Variants in PDE7B observed in about 807,000 individuals in gnomAD.
PDE7B encodes phosphodiesterase 7B, also known as 3',5'-cyclic-AMP phosphodiesterase 7B.
PDE7B carries 29 observed loss-of-function variants against 56.2 expected under a neutral mutation model. That is an observed-to-expected ratio of 0.52 (90% CI 0.38 to 0.70). PDE7B has a LOEUF of 0.70. Ranked by LOEUF, PDE7B falls within the 30% of genes least tolerant of loss-of-function variation. The pLI is 0.00. For missense variants in PDE7B, 490 were observed against 565.0 expected, an observed-to-expected ratio of 0.87 and a Z score of 1.35; for synonymous variants, 197 against 196.9, an observed-to-expected ratio of 1.00 and a Z score of 0.00.
intron 1 of PDE7B, among the ~76,000 whole-genome samples, chr6:135,937,333 A>G (rs1218883079): frequency 1.3e-5 from 2 of 152,126 alleles, no homozygotes; most frequent in African/African-American, 4.8e-5. Flanking sequence ...CACTAAATGG[A>G]GTCCTGCAGG....
chr6:136,173,850 A>C lies in PDE7B; in HGVS notation c.765A>C (p.Arg255=). 6.2e-7 allele frequency: 1 copy of C among 1,613,042 alleles called. No homozygotes were observed. Among genetic ancestry groups the C allele is most frequent in the Non-Finnish European group, 8.5e-7 (1 of 1,179,132 alleles). ...GGCGATCTACAATTGGCATGCTTCG[A>C]GAATCAAGGCTTCTTGCTCATTTGC... The part of the protein sequence containing the change: ...HHWRSTIGML[R]ESRLLAHLPK... Residue 255 remains arginine (R), a synonymous_variant, in exon 9 of 13, where the codon CGA becomes CGC. Transcript: ENST00000308191.
intron 11 of PDE7B, among the ~76,000 whole-genome samples, chr6:136,184,951 A>T (rs1779120829): frequency 6.6e-6 from 1 of 152,184 alleles, no homozygotes; most frequent in East Asian, 1.9e-4. Context: ...GGCTCAGATG[A>T]GATGGAGGGT....
chr6:135,920,349 A>T (rs1230948309), intron 1 of PDE7B, among the ~76,000 whole-genome samples: 2 of 152,180 alleles, frequency 1.3e-5, no homozygotes, highest in Non-Finnish European at 2.9e-5. Context: ...AGTCCTCCCC[A>T]TGCTTCTTTT....
intron 2 of PDE7B, chr6:136,038,306 C>T (rs754646211): frequency 5.4e-6 from 7 of 1,295,088 alleles, no homozygotes; most frequent in South Asian, 3.7e-5. Context: ...TGTGCTAGAG[C>T]GATATTTCCA....
At chr6:136,109,191 G>A (rs540383729) in intron 3 of PDE7B, among the ~76,000 whole-genome samples, 49 of 152,150 alleles carry the variant, frequency 3.2e-4, no homozygotes, top group Admixed American at 3.2e-3. Context: ...CAAAAAATTA[G>A]CTGGGTATGG....
At position 135,851,716 on chromosome 6, in the gene PDE7B, T is replaced by G; in HGVS notation, c.-283T>G. ...CCAGCCAGTCAGTTGGTCTGGGCAC[T>G]GCAGCAGGCTCGGCTCTGTCCCAGC... On this transcript the variant is annotated 5_prime_UTR_variant, in exon 1 of 13. Transcript: ENST00000308191. The G allele has an allele frequency of 2.6e-6, 1 of 382,556 alleles. No homozygotes were observed. Among genetic ancestry groups the G allele is most frequent in the Non-Finnish European group, 4.7e-6 (1 of 213,216 alleles). The allele number at this position is 382,556 out of a possible 1,614,324, so 23.7% of individuals were successfully genotyped here. A position where few individuals can be genotyped will look rare whatever the true frequency, so the allele number is the denominator to read the frequency against.
intron 3 of PDE7B, among the ~76,000 whole-genome samples, chr6:136,137,597 T>C (rs1360218460): frequency 6.6e-6 from 1 of 152,098 alleles, no homozygotes; most frequent in African/African-American, 2.4e-5. Flanking sequence ...GAACCAGATA[T>C]ACAGTTGACA....
chr6:136,181,024 A>G (rs1217025004), intron 10 of PDE7B, among the ~76,000 whole-genome samples: 1 of 152,178 alleles, frequency 6.6e-6, no homozygotes, highest in African/African-American at 2.4e-5. Context: ...CCTCACTGCT[A>G]TAAAGCCAGC....
At chr6:135,930,422 A>G (rs1044437767) in intron 1 of PDE7B, among the ~76,000 whole-genome samples, 1 of 152,196 alleles carries the variant, frequency 6.6e-6, no homozygotes, top group Non-Finnish European at 1.5e-5. Context: ...TGACTGACTC[A>G]GGCAGTAGTA....
At chr6:135,977,489 G>A (rs767314477) in intron 2 of PDE7B, among the ~76,000 whole-genome samples, 1 of 152,132 alleles carries the variant, frequency 6.6e-6, no homozygotes, top group Non-Finnish European at 1.5e-5. Flanking sequence ...TGCCTCCAAG[G>A]CATGCTGACC....
At chr6:135,872,571 TCA>T (rs1775405442) in intron 1 of PDE7B, among the ~76,000 whole-genome samples, 1 of 152,142 alleles carries the variant, frequency 6.6e-6, no homozygotes. Context: ...TTCTATACTG[TCA>T]GATTAATGCT....
intron 1 of PDE7B, among the ~76,000 whole-genome samples, chr6:135,938,668 C>T (rs946918842): frequency 3.3e-5 from 5 of 152,124 alleles, no homozygotes; most frequent in African/African-American, 1.2e-4. Flanking sequence ...CAGGACTAAC[C>T]ACGACCCATG....
intron 2 of PDE7B, among the ~76,000 whole-genome samples, chr6:136,003,374 A>C (rs1416744517): frequency 6.6e-6 from 1 of 152,164 alleles, no homozygotes; most frequent in Non-Finnish European, 1.5e-5. Context: ...AAGGAAATAG[A>C]GACACAAAAA....
At chr6:136,060,242 C>A (rs902594431) in intron 2 of PDE7B, among the ~76,000 whole-genome samples, 1 of 152,178 alleles carries the variant, frequency 6.6e-6, no homozygotes, top group Non-Finnish European at 1.5e-5. Flanking sequence ...CAGACCTTCA[C>A]CCTGTTCCTG....
At chr6:136,132,292 T>G (rs1418991671) in intron 3 of PDE7B, among the ~76,000 whole-genome samples, 1 of 152,124 alleles carries the variant, frequency 6.6e-6, no homozygotes, top group African/African-American at 2.4e-5. Flanking sequence ...ACCAAAACTT[T>G]AAATCCTTTG....
chr6:135,966,233 G>A (rs147072727), intron 2 of PDE7B, among the ~76,000 whole-genome samples: 11 of 152,280 alleles, frequency 7.2e-5, no homozygotes, highest in East Asian at 1.9e-4. Flanking sequence ...AATTCTTGCC[G>A]TACTTGATTT....
intron 2 of PDE7B, among the ~76,000 whole-genome samples, chr6:135,998,005 C>T (rs1204635723): frequency 6.6e-6 from 1 of 152,124 alleles, no homozygotes; most frequent in Non-Finnish European, 1.5e-5. Context: ...GCTACTCTAC[C>T]ACTGTAAATT....
In PDE7B at chr6:136,191,786, C is replaced by G; in HGVS notation, c.1299C>G (p.His433Gln). 1.3e-6 allele frequency: 2 copies of G among 1,571,668 alleles called. No individual in the cohort carries two copies. The highest frequency in any genetic ancestry group is 1.7e-6 in the Non-Finnish European group (2 of 1,159,172). The change falls in exon 13 of 13, where the codon CAC (histidine) becomes CAG (glutamine). Residue 433 changes from histidine (H) to glutamine (Q), a missense_variant. By Grantham distance (24) the His-to-Gln change is conservative. Transcript: ENST00000308191. ...GCAGCAGTGGCAGCGGGCCTGACCACGACCACGCAGGCCAAGGGACTGAGA... is the reference window on the plus strand; with the variant it reads ...GCAGCAGTGGCAGCGGGCCTGACCAGGACCACGCAGGCCAAGGGACTGAGA... ...SRGSSGSGPD[H>Q]DHAGQGTESE...
chr6:136,010,935 C>G (rs1775881816), intron 2 of PDE7B, among the ~76,000 whole-genome samples: 1 of 152,136 alleles, frequency 6.6e-6, no homozygotes, highest in Non-Finnish European at 1.5e-5. Flanking sequence ...AAGGGAGGTT[C>G]ATTCACCTGG....
Sources: gnomAD v4.1 joint callset for allele counts (sites outside exome capture counted in the v4.1 genomes callset) on GRCh38, gnomAD v4.1.1 for gene constraint, MANE v1.5 for transcripts, NCBI Gene and HGNC (gene_info 2026-07-23, HGNC 2026-07-21) for gene names.